The following B3GALNT2 variants were observed in gnomAD, a reference collection of about 807,000 sequenced individuals.
B3GALNT2 encodes beta-1,3-N-acetylgalactosaminyltransferase 2, also known as UDP-GalNAc:beta-1,3-N-acetylgalactosaminyltransferase 2.
Under a neutral mutation model 61.1 loss-of-function variants are expected in B3GALNT2, and 53 were observed. That is an observed-to-expected ratio of 0.87 (90% confidence interval 0.70 to 1.09). The LOEUF (loss-of-function observed/expected upper bound fraction) is 1.09. Among genes scored for constraint, B3GALNT2 ranks in the 50% least tolerant of loss-of-function variants. The probability of loss-of-function intolerance (pLI) is 0.00; values close to 1 mark genes in which losing one functional copy is unlikely to be tolerated. For synonymous variants in B3GALNT2, 223 were observed against 237.4 expected, an observed-to-expected ratio of 0.94 and a Z score of 0.56; for missense variants, 544 against 623.0, an observed-to-expected ratio of 0.87 and a Z score of 1.35.
intron 7 of B3GALNT2, among the ~76,000 whole-genome samples, chr1:235,459,046 A>G (rs1038046391): frequency 1.3e-5 from 2 of 152,128 alleles, no homozygotes; most frequent in Non-Finnish European, 1.5e-5. Flanking sequence ...GGCCACTTGT[A>G]GATATATCCC....
At chr1:235,493,879 G>C (rs1227166737) in intron 2 of B3GALNT2, among the ~76,000 whole-genome samples, 2 of 152,036 alleles carry the variant, frequency 1.3e-5, no homozygotes, top group African/African-American at 2.4e-5. Flanking sequence ...CTTATCACCT[G>C]AGTCTTCACA....
intron 2 of B3GALNT2, among the ~76,000 whole-genome samples, chr1:235,494,098 T>C (rs1045519456): frequency 1.3e-5 from 2 of 152,184 alleles, no homozygotes; most frequent in Non-Finnish European, 2.9e-5. Flanking sequence ...TACTGCAGAT[T>C]ACACAACTAA....
intron 3 of B3GALNT2, among the ~76,000 whole-genome samples, chr1:235,485,154 C>T (rs938893854): frequency 1.3e-5 from 2 of 152,128 alleles, no homozygotes; most frequent in African/African-American, 4.8e-5. Flanking sequence ...GCATTATCTC[C>T]AGTTTACATA....
chr1:235,442,192 C>CG (rs527650854), downstream of B3GALNT2, among the ~76,000 whole-genome samples: 6 of 151,654 alleles, frequency 4.0e-5, no homozygotes, highest in Non-Finnish European at 7.4e-5. Context: ...TTAATCGAGA[C>CG]GGAGTTTTGC....
intron 3 of B3GALNT2, among the ~76,000 whole-genome samples, chr1:235,487,841 T>C (rs1684874236): frequency 6.6e-6 from 1 of 152,134 alleles, no homozygotes; most frequent in East Asian, 1.9e-4. Context: ...TGGAGTGCAG[T>C]AGCGGAAGCA....
chr1:235,446,216 C>T (rs1311204745), downstream of B3GALNT2, among the ~76,000 whole-genome samples: 1 of 151,982 alleles, frequency 6.6e-6, no homozygotes, highest in Non-Finnish European at 1.5e-5. Flanking sequence ...CATTCTGTCA[C>T]CCAGGCTAGA....
At chr1:235,474,170 T>C (rs1484728959) in intron 5 of B3GALNT2, among the ~76,000 whole-genome samples, 2 of 152,220 alleles carry the variant, frequency 1.3e-5, no homozygotes, top group Non-Finnish European at 2.9e-5. Flanking sequence ...TCTGCTCTCA[T>C]ACACCTACTT....
At chr1:235,468,837 GATA>G (rs915679342) in intron 6 of B3GALNT2, among the ~76,000 whole-genome samples, 2 of 152,156 alleles carry the variant, frequency 1.3e-5, no homozygotes, top group African/African-American at 4.8e-5. Context: ...AAGGAGGCAA[GATA>G]ATAAGGAAAG....
At chr1:235,497,509 ACAT>A (rs1685383050) in intron 1 of B3GALNT2, among the ~76,000 whole-genome samples, 1 of 152,254 alleles carries the variant, frequency 6.6e-6, no homozygotes, top group Admixed American at 6.5e-5. Context: ...CATTTATCTG[ACAT>A]CATCAGAAAA....
At chr1:235,485,314 T>A (rs999325684) in intron 3 of B3GALNT2, among the ~76,000 whole-genome samples, 1 of 152,176 alleles carries the variant, frequency 6.6e-6, no homozygotes, top group African/African-American at 2.4e-5. Context: ...GTTCAAATAA[T>A]TTTTCTTTTA....
chr1:235,482,678 T>C (rs1341757730), intron 4 of B3GALNT2, among the ~76,000 whole-genome samples: 2 of 151,942 alleles, frequency 1.3e-5, no homozygotes, highest in Non-Finnish European at 2.9e-5. Flanking sequence ...ATTTACAATA[T>C]CTAGGATACA....
At chr1:235,475,754 T>C (rs1029788295) in intron 5 of B3GALNT2, among the ~76,000 whole-genome samples, 8 of 152,282 alleles carry the variant, frequency 5.3e-5, no homozygotes, top group East Asian at 1.9e-4. Flanking sequence ...ATTTAGAAGA[T>C]AGATATACAA....
intron 5 of B3GALNT2, among the ~76,000 whole-genome samples, chr1:235,472,146 T>C (rs962361147): frequency 1.3e-5 from 2 of 152,208 alleles, no homozygotes; most frequent in South Asian, 2.1e-4. Context: ...CTTAATCCTG[T>C]GCACATTTTA....
intron 6 of B3GALNT2, among the ~76,000 whole-genome samples, chr1:235,467,874 G>A (rs559436264): frequency 6.6e-6 from 1 of 152,068 alleles, no homozygotes; most frequent in South Asian, 2.1e-4. Flanking sequence ...CTGCCTCCCG[G>A]GTTCAAGTGA....
chr1:235,448,376 G>T lies in B3GALNT2; in HGVS notation c.*1830C>A. On this transcript the variant is annotated 3_prime_UTR_variant, in exon 12 of 12. Coordinates refer to ENST00000366600, the MANE Select transcript of B3GALNT2 (RefSeq NM_152490.5). ...TCCATGACAATTCAAAAGGTGAAGGGATTGCTGTCACGTCTTCTCAAAGTT... is the reference window on the plus strand; with the variant it reads ...TCCATGACAATTCAAAAGGTGAAGGTATTGCTGTCACGTCTTCTCAAAGTT... 6.2e-7 allele frequency: 1 copy of T among 1,614,170 alleles called. No individual in the cohort carries two copies. The highest frequency in any genetic ancestry group is 8.5e-7 in the Non-Finnish European group (1 of 1,180,022).
intron 10 of B3GALNT2, among the ~76,000 whole-genome samples, chr1:235,453,804 A>G (rs1479564012): frequency 1.3e-5 from 2 of 152,260 alleles, no homozygotes; most frequent in African/African-American, 2.4e-5. Context: ...CTCAAAAAAG[A>G]TTTAGGAATA....
At chr1:235,471,001 C>T in intron 5 of B3GALNT2, 41 bp from the exon 6 acceptor site, 1 of 1,603,814 alleles carries the variant, frequency 6.2e-7, no homozygotes, top group Non-Finnish European at 8.5e-7. Context: ...TTCCTTATTG[C>T]TGTCATTTAG....
At chr1:235,496,881 G>GT (rs1186005864) in intron 1 of B3GALNT2, among the ~76,000 whole-genome samples, 4 of 152,116 alleles carry the variant, frequency 2.6e-5, no homozygotes. Flanking sequence ...AAAGAATTCA[G>GT]TAACTTAAGT....
At chr1:235,476,747 G>A (rs1451850847) in intron 5 of B3GALNT2, among the ~76,000 whole-genome samples, 1 of 151,882 alleles carries the variant, frequency 6.6e-6, no homozygotes, top group Non-Finnish European at 1.5e-5. Flanking sequence ...CTACTTGAGA[G>A]GCTGGGGCAG....
Sources: allele counts gnomAD v4.1 joint callset (sites outside exome capture counted in the v4.1 genomes callset), GRCh38; gene constraint gnomAD v4.1.1; transcripts MANE v1.5; gene names NCBI Gene and HGNC (gene_info 2026-07-23, HGNC 2026-07-21).